Variants in SENP6 observed in about 807,000 individuals in gnomAD.
SENP6 encodes the protein SUMO specific peptidase 6, also known as sentrin-specific protease 6.
A neutral mutation model predicts 134.5 loss-of-function variants in SENP6; 41 were observed. The observed-to-expected ratio is 0.30, with a 90% confidence interval of 0.24 to 0.40. The LOEUF (loss-of-function observed/expected upper bound fraction) is 0.40. Ranked by LOEUF, SENP6 falls within the 10% of genes least tolerant of loss-of-function variation. SENP6 has a pLI of 1.00. For missense variants in SENP6, 1,248 were observed against 1,312.5 expected, an observed-to-expected ratio of 0.95 and a Z score of 0.76; for synonymous variants, 395 against 429.8, an observed-to-expected ratio of 0.92 and a Z score of 1.00.
rs1776087750 is a variant in SENP6, at chr6:75,718,035, G to A, written c.*2441G>A. 6.6e-6 allele frequency: 1 copy of A among 152,098 alleles called. No homozygotes were observed. Among genetic ancestry groups the A allele is most frequent in the South Asian group, 2.1e-4 (1 of 4,824 alleles). 9.4% of individuals were successfully genotyped at this position (152,098 alleles called of 1,614,324 possible). ...AAAGGTTTTCTTTGTGTAGTAACTT[G>A]TGCTTAAACTTTTAGTCAATTAAAT... On this transcript the variant is annotated 3_prime_UTR_variant, in exon 24 of 24. Coordinates refer to ENST00000447266, the MANE Select transcript of SENP6 (RefSeq NM_015571.4).
intron 19 of SENP6, 91 bp from the exon 20 acceptor site, chr6:75,709,436 A>G: frequency 1.3e-6 from 1 of 782,614 alleles, no homozygotes; most frequent in Non-Finnish European, 2.1e-6. Context: ...CTACTGTATC[A>G]TTAATTAACT....
intron 16 of SENP6, among the ~76,000 whole-genome samples, chr6:75,689,803 C>T (rs1053194808): frequency 1.3e-5 from 2 of 150,510 alleles, no homozygotes; most frequent in African/African-American, 5.0e-5. Context: ...TATGCCACCT[C>T]GGATTGTATA....
At chr6:75,711,828 A>G (rs934428090) in intron 21 of SENP6, among the ~76,000 whole-genome samples, 3 of 152,206 alleles carry the variant, frequency 2.0e-5, no homozygotes, top group Non-Finnish European at 1.5e-5. Context: ...GCGTGCCACC[A>G]TGCCTGGCTA....
At chr6:75,603,301 G>A (rs1766778970) in intron 1 of SENP6, among the ~76,000 whole-genome samples, 1 of 152,124 alleles carries the variant, frequency 6.6e-6, no homozygotes, top group South Asian at 2.1e-4. Context: ...GTTGGGGAAG[G>A]TGGTAATGGG....
chr6:75,618,537 C>G (rs963814508), intron 1 of SENP6, among the ~76,000 whole-genome samples: 1 of 152,170 alleles, frequency 6.6e-6, no homozygotes, highest in Non-Finnish European at 1.5e-5. Context: ...TCTAGGAACC[C>G]TGGCTCCTTT....
At chr6:75,664,324 T>C (rs1483501159) in intron 9 of SENP6, among the ~76,000 whole-genome samples, 5 of 151,986 alleles carry the variant, frequency 3.3e-5, no homozygotes, top group Non-Finnish European at 7.4e-5. Context: ...AATATATACT[T>C]GTGTAGTTTT....
chr6:75,661,337 G>A (rs1289750342), intron 8 of SENP6, among the ~76,000 whole-genome samples: 1 of 152,148 alleles, frequency 6.6e-6, no homozygotes, highest in Non-Finnish European at 1.5e-5. Context: ...GTTTGGCTCA[G>A]GCCATGCTGA....
At chr6:75,700,011 A>G (rs923164885) in intron 18 of SENP6, among the ~76,000 whole-genome samples, 2 of 152,136 alleles carry the variant, frequency 1.3e-5, no homozygotes. Context: ...CCTAGGCTTA[A>G]GCAATCCTCC....
Position 75,619,584 on chromosome 6 carries a change from A to G in SENP6, c.53-1948A>G, listed in dbSNP as rs561127566. Among the ~76,000 whole-genome samples, 12 of 152,256 alleles carry G rather than the reference A, an allele frequency of 7.9e-5. No homozygotes were observed. In the East Asian group the frequency reaches 2.1e-3, roughly 27 times the overall value. On this transcript the variant is annotated intron_variant, in intron 1 of 23. Coordinates refer to ENST00000447266, the MANE Select transcript of SENP6 (RefSeq NM_015571.4). ...AATGCTGCTATGAACATTGGCATAC[A>G]AGTGTCTGTTTGAATACATGCTTTT...
chr6:75,606,785 C>CA (rs901918898), intron 1 of SENP6, among the ~76,000 whole-genome samples: 63 of 135,248 alleles, frequency 4.7e-4, no homozygotes, highest in African/African-American at 1.3e-3. Flanking sequence ...TTCCAAAATC[C>CA]AAAAAAAAAA....
At chr6:75,669,264 A>G (rs1215680730) in intron 10 of SENP6, among the ~76,000 whole-genome samples, 2 of 152,100 alleles carry the variant, frequency 1.3e-5, no homozygotes, top group African/African-American at 4.8e-5. Context: ...ACGCAGGAGA[A>G]TTGCTTGAAC....
intron 19 of SENP6, among the ~76,000 whole-genome samples, chr6:75,708,798 C>T (rs1390843946): frequency 2.0e-5 from 3 of 152,110 alleles, no homozygotes; most frequent in African/African-American, 7.2e-5. Flanking sequence ...TAGGCTGAGG[C>T]AGGAGAAATC....
intron 18 of SENP6, chr6:75,698,043 G>C (rs1774773893): frequency 6.6e-6 from 1 of 152,216 alleles, no homozygotes; most frequent in Non-Finnish European, 1.5e-5. Flanking sequence ...TTTTACAATG[G>C]AGACTTAAAA....
chr6:75,678,673 T>G lies in SENP6; in HGVS notation c.1939T>G (p.Phe647Val). ...AGAAACTGGAGAAAACCACACCATC[T>G]TCATTGGCCCAGTAGAAAAGTGAGA... ...EEETGENHTI[F>V]IGPVEKLIVY... Residue 647 changes from phenylalanine to valine, a missense_variant, in exon 15 of 24, where the codon TTC (phenylalanine) becomes GTC (valine). Phe to Val is a conservative substitution (Grantham distance 50). This residue lies in a region of SENP6 where 129 missense variants were observed against 192.0 expected (regional missense o/e 0.67). Coordinates refer to ENST00000447266, the MANE Select transcript of SENP6 (RefSeq NM_015571.4). 1 of 1,591,002 alleles carries G rather than the reference T, an allele frequency of 6.3e-7. No homozygotes were observed. The highest frequency in any genetic ancestry group is 8.6e-7 in the Non-Finnish European group (1 of 1,162,950).
At chr6:75,615,675 T>C (rs1767797496) in intron 1 of SENP6, among the ~76,000 whole-genome samples, 1 of 152,254 alleles carries the variant, frequency 6.6e-6, no homozygotes, top group Non-Finnish European at 1.5e-5. Context: ...TTTTCCTTCC[T>C]TGAATGTCAC....
At chr6:75,705,925 C>CTTTTT (rs71544062) in intron 19 of SENP6, among the ~76,000 whole-genome samples, 15 of 47,970 alleles carry the variant, frequency 3.1e-4, no homozygotes, top group South Asian at 9.8e-4. Context: ...ATTTTTGAGC[C>CTTTTT]TTTTTTTTTT....
intron 18 of SENP6, among the ~76,000 whole-genome samples, chr6:75,699,354 C>CTTTTTTTTTT (rs71544060): frequency 8.7e-6 from 1 of 115,016 alleles, no homozygotes. Context: ...TTTGTTTTTG[C>CTTTTTTTTTT]TTTTTTTTTT....
chr6:75,696,124 A>C (rs1774643865), intron 17 of SENP6, among the ~76,000 whole-genome samples: 1 of 152,116 alleles, frequency 6.6e-6, no homozygotes, highest in Non-Finnish European at 1.5e-5. Context: ...CCTTAAACTA[A>C]CTTTGTGCTA....
Position 75,715,681 on chromosome 6 carries a change from T to A in SENP6, c.*87T>A. ...GACAATAAAGAACTGAAGTGCTCAC[T>A]ACTCAGTGATTTGGAAATTTTGATG... On this transcript the variant is annotated 3_prime_UTR_variant, in exon 24 of 24. Transcript: ENST00000447266. 1 of 889,896 alleles carries A rather than the reference T, an allele frequency of 1.1e-6. No individual in the cohort carries two copies. The highest frequency in any genetic ancestry group is 1.7e-6 in the Non-Finnish European group (1 of 585,500). 55.1% of individuals were successfully genotyped at this position (889,896 alleles called of 1,614,324 possible).
Sources: gnomAD v4.1 joint callset for allele counts (sites outside exome capture counted in the v4.1 genomes callset) on GRCh38, gnomAD v4.1.1 for gene constraint, gnomAD v4.1.1 regional missense constraint, MANE v1.5 for transcripts, NCBI Gene and HGNC (gene_info 2026-07-23, HGNC 2026-07-21) for gene names.